The following PDGFD variants were observed in gnomAD, a reference collection of about 807,000 sequenced individuals.
PDGFD encodes the protein platelet derived growth factor D, also known as platelet-derived growth factor D.
In PDGFD, 30 loss-of-function variants were observed where a neutral mutation model predicts 44.7. That is an observed-to-expected ratio of 0.67 (90% CI 0.50 to 0.91). PDGFD has a LOEUF of 0.91. PDGFD is among the 40% of genes least tolerant of loss of function. PDGFD has a pLI of 0.00. For synonymous variants in PDGFD, 173 were observed against 168.4 expected, an observed-to-expected ratio of 1.03 and a Z score of -0.21; for missense variants, 445 against 457.8, an observed-to-expected ratio of 0.97 and a Z score of 0.25.
At chr11:103,976,583 G>C (rs890099119) in intron 3 of PDGFD, among the ~76,000 whole-genome samples, 1 of 152,188 alleles carries the variant, frequency 6.6e-6, no homozygotes, top group Non-Finnish European at 1.5e-5. Context: ...GGAGTGGTAA[G>C]AGAGGGCATC....
Position 104,079,973 on chromosome 11 carries a change from T to C in PDGFD, c.125-79718A>G, listed in dbSNP as rs77068419. 2.8e-4 allele frequency among the ~76,000 whole-genome samples: 42 copies of C among 152,316 alleles called. 1 individual carries two copies. The East Asian group carries it at 7.9e-3, about 29-fold the overall frequency. ...GCTCTGAATTCTATGCCATGCTCTT[T>C]GAATTAAAAGATAATGGTGCTGACG... On this transcript the variant is annotated intron_variant, in intron 1 of 6. Coordinates refer to ENST00000393158, the MANE Select transcript of PDGFD (RefSeq NM_025208.5).
At chr11:104,075,178 C>T (rs910891878) in intron 1 of PDGFD, among the ~76,000 whole-genome samples, 1 of 152,110 alleles carries the variant, frequency 6.6e-6, no homozygotes, top group East Asian at 1.9e-4. Context: ...CAGGTGGGGA[C>T]TATAATTTGC....
chr11:103,953,624 G>T (rs1315413276), intron 3 of PDGFD, among the ~76,000 whole-genome samples: 1 of 152,138 alleles, frequency 6.6e-6, no homozygotes, highest in Admixed American at 6.5e-5. Flanking sequence ...GACTTTAGGG[G>T]TAAATGATCA....
intron 1 of PDGFD, among the ~76,000 whole-genome samples, chr11:104,100,844 C>A (rs1232293066): frequency 6.6e-6 from 1 of 152,110 alleles, no homozygotes; most frequent in East Asian, 1.9e-4. Context: ...CAACCAACGA[C>A]AAAAACCACA....
At chr11:103,995,134 G>C (rs1859516526) in intron 3 of PDGFD, among the ~76,000 whole-genome samples, 1 of 152,056 alleles carries the variant, frequency 6.6e-6, no homozygotes, top group Non-Finnish European at 1.5e-5. Context: ...TCCCAACTCA[G>C]CTTCCCAAAG....
At chr11:103,924,835 T>C (rs7117522) in intron 6 of PDGFD, among the ~76,000 whole-genome samples, 4,544 of 152,246 alleles carry the variant, frequency 0.03, 210 homozygotes, top group African/African-American at 0.1. Context: ...TTATTATACT[T>C]TAAGTTGTGG....
intron 6 of PDGFD, among the ~76,000 whole-genome samples, chr11:103,924,830 A>G (rs756355937): frequency 2.0e-4 from 31 of 152,270 alleles, no homozygotes; most frequent in Non-Finnish European, 3.4e-4. Context: ...AATTATTATT[A>G]TACTTTAAGT....
At chr11:104,037,404 G>C (rs776721721) in intron 1 of PDGFD, 3 of 1,614,132 alleles carry the variant, frequency 1.9e-6, no homozygotes, top group Non-Finnish European at 2.5e-6. Context: ...CCTTGAGAGA[G>C]CAAGAGAGGC....
In PDGFD at chr11:104,034,825, G is replaced by A. The variant is rs367626703; in HGVS notation, c.125-34570C>T. 3.0e-4 allele frequency among the ~76,000 whole-genome samples: 46 copies of A among 152,124 alleles called. No individual in the cohort carries two copies. In the East Asian group the frequency reaches 7.7e-3, roughly 26 times the overall value. On this transcript the variant is annotated intron_variant, in intron 1 of 6. Coordinates refer to ENST00000393158, the MANE Select transcript of PDGFD (RefSeq NM_025208.5). ...GCCTGGCTAATTTTTTGTATTTTTA[G>A]TAGAGACAGGGTTTCACCATGTTAG... is the stretch of plus-strand genomic sequence containing the variant.
intron 1 of PDGFD, among the ~76,000 whole-genome samples, chr11:104,015,602 A>G (rs1273463129): frequency 6.6e-6 from 1 of 152,256 alleles, no homozygotes; most frequent in Non-Finnish European, 1.5e-5. Flanking sequence ...ATTCAAAAGC[A>G]TGATTTTCTA....
chr11:104,004,297 G>GA (rs1000530404), intron 1 of PDGFD, among the ~76,000 whole-genome samples: 2 of 152,014 alleles, frequency 1.3e-5, no homozygotes, highest in Admixed American at 1.3e-4. Flanking sequence ...ACATCAAATT[G>GA]AAAATATTTA....
intron 5 of PDGFD, among the ~76,000 whole-genome samples, chr11:103,937,417 A>C (rs1858506916): frequency 6.6e-6 from 1 of 152,044 alleles, no homozygotes; most frequent in Non-Finnish European, 1.5e-5. Context: ...TCCATAAATC[A>C]CCTCTCCGTT....
At chr11:104,054,966 T>C (rs1014249171) in intron 1 of PDGFD, among the ~76,000 whole-genome samples, 2 of 152,190 alleles carry the variant, frequency 1.3e-5, no homozygotes, top group East Asian at 1.9e-4. Flanking sequence ...AGAAAAACAA[T>C]ACTGATCACT....
At chr11:104,155,676 T>A (rs1009166160) in intron 1 of PDGFD, among the ~76,000 whole-genome samples, 13 of 152,232 alleles carry the variant, frequency 8.5e-5, no homozygotes, top group Admixed American at 7.2e-4. Context: ...TCTGTGACAC[T>A]GATTTTAGCT....
intron 1 of PDGFD, among the ~76,000 whole-genome samples, chr11:104,096,732 T>C (rs978813677): frequency 6.6e-6 from 1 of 152,164 alleles, no homozygotes; most frequent in African/African-American, 2.4e-5. Context: ...AATCAGGGTA[T>C]TATTTGTAAC....
intron 3 of PDGFD, among the ~76,000 whole-genome samples, chr11:103,966,429 T>A (rs1295358347): frequency 6.6e-6 from 1 of 152,174 alleles, no homozygotes; most frequent in Admixed American, 6.5e-5. Context: ...CCAATAGTCC[T>A]GTGTGGAGAG....
At chr11:103,980,377 A>C (rs1398674530) in intron 3 of PDGFD, among the ~76,000 whole-genome samples, 1 of 152,118 alleles carries the variant, frequency 6.6e-6, no homozygotes, top group East Asian at 1.9e-4. Flanking sequence ...GTCCAAATTT[A>C]CTATTAAGGT....
At chr11:104,131,333 T>C (rs1861917015) in intron 1 of PDGFD, among the ~76,000 whole-genome samples, 1 of 152,190 alleles carries the variant, frequency 6.6e-6, no homozygotes, top group Non-Finnish European at 1.5e-5. Context: ...AGTTTGGAAA[T>C]GACAGCTACA....
At chr11:103,983,812 A>G (rs1170919248) in intron 3 of PDGFD, among the ~76,000 whole-genome samples, 1 of 151,910 alleles carries the variant, frequency 6.6e-6, no homozygotes, top group East Asian at 1.9e-4. Flanking sequence ...ATCACATGAA[A>G]AAACCGATCA....
Sources: allele counts gnomAD v4.1 joint callset (sites outside exome capture counted in the v4.1 genomes callset), GRCh38; gene constraint gnomAD v4.1.1; transcripts MANE v1.5; gene names NCBI Gene and HGNC (gene_info 2026-07-23, HGNC 2026-07-21).